DDHD2: variants seen among roughly 807,000 people sequenced by gnomAD.
The protein encoded by DDHD2 is DDHD domain containing 2.
A neutral mutation model predicts 91.2 loss-of-function variants in DDHD2; 62 were observed. That is an observed-to-expected ratio of 0.68 (90% confidence interval 0.55 to 0.84). The LOEUF (loss-of-function observed/expected upper bound fraction) is 0.84, where lower values mean the gene tolerates loss of function less well. Ranked by LOEUF, DDHD2 falls within the 40% of genes least tolerant of loss-of-function variation. The pLI, the probability that DDHD2 is intolerant of heterozygous loss-of-function variation, is 0.00. For missense variants in DDHD2, 740 were observed against 846.9 expected, an observed-to-expected ratio of 0.87 and a Z score of 1.57; for synonymous variants, 271 against 293.9, an observed-to-expected ratio of 0.92 and a Z score of 0.80.
chr8:38,242,937 T>C (rs1484999565), intron 7 of DDHD2, among the ~76,000 whole-genome samples: 1 of 152,204 alleles, frequency 6.6e-6, no homozygotes, highest in Non-Finnish European at 1.5e-5. Context: ...TGAGGATATC[T>C]AGCTATGGGG....
At position 38,251,983 on chromosome 8, in the gene DDHD2, C is replaced by A; in HGVS notation, c.1416C>A (p.Ser472Arg). The A allele has an allele frequency of 6.2e-7, 1 of 1,614,160 alleles. No individual in the cohort carries two copies. Among genetic ancestry groups the A allele is most frequent in the Non-Finnish European group, 8.5e-7 (1 of 1,180,002 alleles). The part of the protein sequence containing the change: ...NIPKESEFCS[S>R]SNTRNGDYLD... ...CCAAAGAATCTGAGTTCTGCAGTAG[C>A]AGTAATACTAGAAATGGTGACTATC... The change falls in exon 12 of 18, where the codon AGC becomes AGA. Residue 472 changes from serine to arginine, a missense_variant. This residue lies in a region of DDHD2 where 693 missense variants were observed against 764.2 expected (regional missense o/e 0.91). Transcript: ENST00000397166.
intron 1 of DDHD2, chr8:38,269,211 C>T (rs1351361744): frequency 1.3e-6 from 2 of 1,495,848 alleles, no homozygotes; most frequent in South Asian, 2.5e-5. Context: ...CGGCCGCGAG[C>T]TCCGAGCGAC....
intron 1 of DDHD2, chr8:38,270,617 A>G (rs1373343161): frequency 2.6e-5 from 4 of 152,228 alleles, no homozygotes; most frequent in East Asian, 3.8e-4. Flanking sequence ...AATACCTTAT[A>G]TAGGTCATCT....
downstream of DDHD2, chr8:38,267,615 C>T: frequency 1.6e-6 from 1 of 631,054 alleles, no homozygotes; most frequent in South Asian, 2.1e-5. Flanking sequence ...CTTTTTAGGG[C>T]AAACAGCAAA....
rs1806264191 is a variant in DDHD2 at position 38,253,403 on chromosome 8, C to G, written c.1892-153C>G. On this transcript the variant is annotated intron_variant, in intron 15 of 17. Transcript: ENST00000397166. Reference sequence around the variant, plus strand: ...AAAATTACTGTGACCTGAGAAGGAGCTTGAAGGAGATTGAGAGGAGGAAGA... The same window carrying G: ...AAAATTACTGTGACCTGAGAAGGAGGTTGAAGGAGATTGAGAGGAGGAAGA... The G allele has an allele frequency of 7.6e-6, 6 of 784,402 alleles. No homozygotes were observed. The South Asian group carries it at 1.1e-4, about 15-fold the overall frequency. 48.6% of individuals were successfully genotyped at this position (784,402 alleles called of 1,614,324 possible).
chr8:38,246,563 T>C lies in DDHD2; in HGVS notation c.1125+263T>C, dbSNP rs10105555. Among the ~76,000 whole-genome samples the C allele has an allele frequency of 0.22, 34,047 of 152,186 alleles. 3,987 individuals carry two copies. The highest frequency in any genetic ancestry group is 0.31 in the East Asian group (1,594 of 5,172). On this transcript the variant is annotated intron_variant, in intron 9 of 17. Transcript: ENST00000397166. The stretch of plus-strand genomic sequence containing the variant: ...TCTTTTGTGAATATGCACCACTGGC[T>C]GGGCGCGGTGGCTCATGCCTGTAAT...
chr8:38,244,962 A>C (rs1342740273), intron 7 of DDHD2, among the ~76,000 whole-genome samples: 1 of 151,840 alleles, frequency 6.6e-6, no homozygotes, highest in Non-Finnish European at 1.5e-5. Flanking sequence ...AGTCTGTTCA[A>C]ATTTCCAGTT....
chr8:38,269,213 CCGAGCGACGCTG>C, intron 1 of DDHD2: 2 of 1,495,136 alleles, frequency 1.3e-6, no homozygotes, highest in Non-Finnish European at 1.8e-6. Flanking sequence ...GCCGCGAGCT[CCGAGCGACGCTG>C]CGCTGACGTG....
chr8:38,247,017 G>A (rs902842650), intron 9 of DDHD2: 1 of 152,138 alleles, frequency 6.6e-6, no homozygotes, highest in Non-Finnish European at 1.5e-5. Flanking sequence ...CTATAACCAT[G>A]TATCATCTGT....
intron 2 of DDHD2, 131 bp downstream of exon 2, chr8:38,233,345 T>C (rs1369016474): frequency 1.7e-5 from 11 of 651,340 alleles, no homozygotes; most frequent in Non-Finnish European, 2.6e-5. Flanking sequence ...CTTACAGCAT[T>C]TTATATAGAA....
downstream of DDHD2, chr8:38,264,625 G>T: frequency 6.4e-7 from 1 of 1,571,234 alleles, no homozygotes; most frequent in East Asian, 2.3e-5. Flanking sequence ...TGGAAACAAG[G>T]TCTTCTCTTA....
chr8:38,268,888 C>G, intron 1 of DDHD2: 1 of 1,552,098 alleles, frequency 6.4e-7, no homozygotes, highest in Non-Finnish European at 8.7e-7. Context: ...GCACAAACAT[C>G]GGCTTGGTGG....
chr8:38,240,191 A>C (rs1336593625), intron 5 of DDHD2, 84 bp from the exon 6 acceptor site: 2 of 721,800 alleles, frequency 2.8e-6, no homozygotes, highest in East Asian at 2.9e-5. Flanking sequence ...TAACTTGCTC[A>C]TATTTATAAC....
chr8:38,263,557 T>C, downstream of DDHD2: 1 of 985,428 alleles, frequency 1.0e-6, no homozygotes, highest in Middle Eastern at 5.2e-4. Flanking sequence ...AAATTGTTTA[T>C]GCCCACGGTG....
chr8:38,268,795 A>AAAG lies in DDHD2; in HGVS notation n.88-2326_88-2324dup, dbSNP rs1808164664. ...AGCGGAGTGGGCAGTGGGTCCCTAC[A>AAAG]AAGGCCGTCTCGGGGTGGAAAACGC... On this transcript the variant is annotated intron_variant and non_coding_transcript_variant, in intron 1 of 1. Transcript: ENST00000526071. The AAAG allele has an allele frequency of 3.5e-6, 5 of 1,447,500 alleles. No homozygotes were observed. In the African/African-American group the frequency reaches 4.4e-5, roughly 13 times the overall value. The allele number at this position is 1,447,500 out of a possible 1,614,324, so 89.7% of individuals were successfully genotyped here.
chr8:38,268,108 C>CTCT, intron 1 of DDHD2: 2 of 1,467,046 alleles, frequency 1.4e-6, no homozygotes, highest in Non-Finnish European at 1.8e-6. Context: ...TCAGTGATCA[C>CTCT]TCTTTTGTAG....
intron 16 of DDHD2, chr8:38,255,419 C>A: frequency 2.3e-6 from 1 of 426,348 alleles, no homozygotes; most frequent in Non-Finnish European, 4.5e-6. Context: ...TCTGTGTGGG[C>A]AGTACATTCA....
chr8:38,251,838 G>A, intron 11 of DDHD2, 74 bp from the exon 12 acceptor site: 1 of 1,047,676 alleles, frequency 9.5e-7, no homozygotes, highest in Middle Eastern at 2.1e-4. Flanking sequence ...CTACCTCAGG[G>A]TCCTGAGTAG....
intron 5 of DDHD2, chr8:38,238,680 C>G (rs1804999415): frequency 1.5e-5 from 15 of 971,516 alleles, no homozygotes; most frequent in Non-Finnish European, 1.8e-5. Context: ...GGACAAAATC[C>G]TAGCTTTACT....
Sources: gnomAD v4.1 joint callset for allele counts (sites outside exome capture counted in the v4.1 genomes callset) on GRCh38, gnomAD v4.1.1 for gene constraint, gnomAD v4.1.1 regional missense constraint, MANE v1.5 for transcripts, NCBI Gene and HGNC (gene_info 2026-07-23, HGNC 2026-07-21) for gene names.